The following KCNK2 variants were observed in gnomAD, a reference collection of about 807,000 sequenced individuals.
The protein encoded by KCNK2 is potassium channel subfamily K member 2.
Under a neutral mutation model 40.5 loss-of-function variants are expected in KCNK2, and 21 were observed. The observed-to-expected ratio is 0.52, with a 90% CI of 0.37 to 0.75. The LOEUF (loss-of-function observed/expected upper bound fraction) is 0.75, where lower values mean the gene tolerates loss of function less well. KCNK2 is among the 30% of genes least tolerant of loss of function. The probability of loss-of-function intolerance (pLI) is 0.00; values close to 1 mark genes in which losing one functional copy is unlikely to be tolerated. For synonymous variants in KCNK2, 191 were observed against 202.2 expected, an observed-to-expected ratio of 0.94 and a Z score of 0.47; for missense variants, 399 against 531.6, an observed-to-expected ratio of 0.75 and a Z score of 2.45.
intron 1 of KCNK2, among the ~76,000 whole-genome samples, chr1:215,040,991 G>T (rs1657543609): frequency 6.6e-6 from 1 of 152,140 alleles, no homozygotes; most frequent in Non-Finnish European, 1.5e-5. Flanking sequence ...TGAGACCTCA[G>T]ACTCAAGGCT....
At chr1:215,230,580 G>C (rs1558150408) in intron 6 of KCNK2, among the ~76,000 whole-genome samples, 1 of 24,604 alleles carries the variant, frequency 4.1e-5, no homozygotes, top group African/African-American at 1.3e-4. Context: ...ATATATACAA[G>C]ACCGTAATAT....
At chr1:215,043,179 G>C (rs61818262) in intron 1 of KCNK2, among the ~76,000 whole-genome samples, 150 of 152,282 alleles carry the variant, frequency 9.9e-4, no homozygotes, top group African/African-American at 3.4e-3. Flanking sequence ...TGGAGAAGCT[G>C]GAATGCTTGT....
At chr1:215,008,115 C>CTT (rs79977750) in intron 1 of KCNK2, among the ~76,000 whole-genome samples, 2,550 of 133,044 alleles carry the variant, frequency 0.019, 38 homozygotes, top group South Asian at 0.079. Context: ...AGTCCTAAGT[C>CTT]TTTTTTTTTT....
At chr1:215,186,839 A>G (rs1203031615) in intron 5 of KCNK2, among the ~76,000 whole-genome samples, 1 of 152,216 alleles carries the variant, frequency 6.6e-6, no homozygotes, top group African/African-American at 2.4e-5. Context: ...CAGAATCTGT[A>G]GACACTTTTA....
intron 3 of KCNK2, among the ~76,000 whole-genome samples, chr1:215,157,033 A>C (rs1662962652): frequency 6.6e-6 from 1 of 152,116 alleles, no homozygotes; most frequent in South Asian, 2.1e-4. Flanking sequence ...CCTGGGCAAC[A>C]AGAGCAAAAC....
chr1:215,198,844 T>C (rs2102670362), intron 6 of KCNK2, among the ~76,000 whole-genome samples: 1 of 152,318 alleles, frequency 6.6e-6, no homozygotes, highest in Non-Finnish European at 1.5e-5. Flanking sequence ...AGCTTCAAAT[T>C]TTCCAAGTGA....
intron 1 of KCNK2, among the ~76,000 whole-genome samples, chr1:215,053,755 C>T (rs139243234): frequency 0.018 from 2,669 of 152,250 alleles, 72 homozygotes; most frequent in African/African-American, 0.061. Context: ...TCACTTAAGG[C>T]CAGGAGTTCG....
At chr1:215,096,467 T>C (rs1659981054) in intron 2 of KCNK2, among the ~76,000 whole-genome samples, 1 of 151,948 alleles carries the variant, frequency 6.6e-6, no homozygotes, top group Non-Finnish European at 1.5e-5. Flanking sequence ...ATTCATAACC[T>C]CAAACATTTA....
At chr1:215,169,530 C>G (rs112605095) in intron 4 of KCNK2, among the ~76,000 whole-genome samples, 171 bp downstream of exon 4, 2 of 151,988 alleles carry the variant, frequency 1.3e-5, no homozygotes, top group African/African-American at 4.8e-5. Context: ...TATGTTTATA[C>G]TTAATCTGAA....
Position 215,086,439 on chromosome 1 carries a change from A to C in KCNK2, c.118A>C (p.Lys40Gln), listed in dbSNP as rs767793059. The change falls in exon 2 of 7, where the codon AAA (lysine) becomes CAA (glutamine). Residue 40 changes from lysine (K) to glutamine (Q), a missense_variant. Around this residue, in one of 3 missense-constraint regions of KCNK2, gnomAD observed 279 missense variants for 353.8 expected, o/e 0.79. Coordinates refer to ENST00000444842, the MANE Select transcript of KCNK2 (RefSeq NM_001017425.3). ...NSKPRLSFST[K>Q]PTVLASRVES... ...CAAACCGAGGCTCTCGTTTTCCACG[A>C]AACCCACAGTGCTTGCTTCCCGGGT... is the stretch of plus-strand genomic sequence containing the variant. 1 of 1,614,182 alleles carries C rather than the reference A, an allele frequency of 6.2e-7. No homozygotes were observed. Among genetic ancestry groups the C allele is most frequent in the Non-Finnish European group, 8.5e-7 (1 of 1,180,034 alleles).
At chr1:215,092,461 A>G (rs191042072) in intron 2 of KCNK2, among the ~76,000 whole-genome samples, 252 of 152,280 alleles carry the variant, frequency 1.7e-3, no homozygotes, top group Non-Finnish European at 3.1e-3. Flanking sequence ...TCCACAGTTT[A>G]TTGCAGGAAA....
intron 6 of KCNK2, among the ~76,000 whole-genome samples, chr1:215,210,031 T>C (rs1665663863): frequency 1.2e-5 from 1 of 86,330 alleles, no homozygotes; most frequent in Non-Finnish European, 2.3e-5. Flanking sequence ...ATATATTATA[T>C]ATAATATATA....
At chr1:215,068,476 A>G (rs1184845171) in intron 1 of KCNK2, among the ~76,000 whole-genome samples, 1 of 152,204 alleles carries the variant, frequency 6.6e-6, no homozygotes, top group Non-Finnish European at 1.5e-5. Flanking sequence ...TCAATAGAAA[A>G]CACTAAACAC....
At chr1:215,132,205 A>T (rs1444815296) in intron 3 of KCNK2, among the ~76,000 whole-genome samples, 1 of 152,206 alleles carries the variant, frequency 6.6e-6, no homozygotes, top group Non-Finnish European at 1.5e-5. Flanking sequence ...ACTTGAAAGG[A>T]TGAGGAAAAA....
intron 2 of KCNK2, among the ~76,000 whole-genome samples, chr1:215,094,310 G>T (rs1290247148): frequency 6.6e-6 from 1 of 151,910 alleles, no homozygotes; most frequent in Non-Finnish European, 1.5e-5. Flanking sequence ...AATACTTTCT[G>T]TCCTTTCGGT....
chr1:215,005,808 C>A, upstream of KCNK2: 1 of 907,456 alleles, frequency 1.1e-6, no homozygotes, highest in Non-Finnish European at 1.8e-6. Flanking sequence ...CAGTATGGGA[C>A]GATGGCTTGT....
intron 1 of KCNK2, among the ~76,000 whole-genome samples, chr1:215,027,609 A>G (rs1399602078): frequency 6.6e-6 from 1 of 152,190 alleles, no homozygotes. Flanking sequence ...GTTGACATAC[A>G]GCTGGGTTCT....
chr1:215,163,022 A>T (rs927561292), intron 3 of KCNK2, among the ~76,000 whole-genome samples: 1 of 152,164 alleles, frequency 6.6e-6, no homozygotes, highest in Admixed American at 6.5e-5. Context: ...TTTGGGCAGT[A>T]TGGCCATTTT....
At chr1:215,158,825 G>A (rs945179070) in intron 3 of KCNK2, among the ~76,000 whole-genome samples, 5 of 152,182 alleles carry the variant, frequency 3.3e-5, no homozygotes, top group African/African-American at 1.2e-4. Context: ...AAAGGACAGT[G>A]TTGGATCTTA....
Sources: gnomAD v4.1 joint callset for allele counts (sites outside exome capture counted in the v4.1 genomes callset) on GRCh38, gnomAD v4.1.1 for gene constraint, gnomAD v4.1.1 regional missense constraint, MANE v1.5 for transcripts, NCBI Gene and HGNC (gene_info 2026-07-23, HGNC 2026-07-21) for gene names.